Variants in ADGRG1 observed in about 807,000 individuals in gnomAD.
ADGRG1 encodes adhesion G protein-coupled receptor G1, also known as 7-transmembrane protein with no EGF-like N-terminal domains-1.
In ADGRG1, 53 loss-of-function variants were observed where a neutral mutation model predicts 73.5. The observed-to-expected ratio is 0.72, with a 90% CI of 0.58 to 0.91. ADGRG1 has a LOEUF of 0.91. Among genes scored for constraint, ADGRG1 ranks in the 40% least tolerant of loss-of-function variants. The probability of loss-of-function intolerance (pLI) is 0.00; values close to 1 mark genes in which losing one functional copy is unlikely to be tolerated. For missense variants in ADGRG1, 795 were observed against 871.8 expected (o/e 0.91, Z 1.11); for synonymous variants, 394 against 374.4 (o/e 1.05, Z -0.60).
intron 1 of ADGRG1, chr16:57,640,912 G>C (rs1419024368): frequency 4.1e-6 from 4 of 985,490 alleles, no homozygotes; most frequent in African/African-American, 3.5e-5. Flanking sequence ...CTGACCTTGC[G>C]GGCCTGGCCT....
chr16:57,653,855 C>G, intron 4 of ADGRG1, 131 bp from the exon 5 acceptor site: 2 of 1,582,692 alleles, frequency 1.3e-6, no homozygotes, highest in Non-Finnish European at 1.7e-6. Flanking sequence ...CACCCCACCC[C>G]TCTCTCTGCC....
chr16:57,663,011 G>A, intron 13 of ADGRG1: 2 of 984,508 alleles, frequency 2.0e-6, no homozygotes, highest in Middle Eastern at 5.2e-4. Context: ...AGGGGACTCA[G>A]GATTGTAAGT....
chr16:57,630,283 C>G, intron 1 of ADGRG1: 2 of 811,800 alleles, frequency 2.5e-6, no homozygotes, highest in Non-Finnish European at 3.0e-6. Context: ...GCCAAGTTGG[C>G]TCCCCAGAGC....
intron 1 of ADGRG1, chr16:57,639,723 C>T (rs1266420274): frequency 2.9e-5 from 27 of 918,626 alleles, no homozygotes; most frequent in Non-Finnish European, 3.5e-5. Context: ...CACTCCTGCT[C>T]CCTCTCCCTG....
Position 57,663,569 on chromosome 16 carries a change from C to A in ADGRG1, c.2051C>A (p.Ser684Tyr). The A allele has an allele frequency of 3.3e-5, 54 of 1,613,548 alleles. No individual in the cohort carries two copies. The highest frequency in any genetic ancestry group is 4.5e-5 in the Non-Finnish European group (53 of 1,179,988). The change falls in exon 14 of 14, where the codon TCC (serine) becomes TAC (tyrosine). Residue 684 changes from serine (S) to tyrosine (Y), a missense_variant. Ser to Tyr is a moderately radical substitution (Grantham distance 144). Coordinates refer to ENST00000562631, the MANE Select transcript of ADGRG1 (RefSeq NM_201525.4). ...RLPISSGSTSSSRI is the reference protein window; with the variant it reads ...RLPISSGSTSYSRI ...CCCATCAGCTCGGGCAGCACCTCGT[C>A]CAGCCGCATCTAGGCCTCCAGCCCA...
intron 1 of ADGRG1, chr16:57,630,527 GCT>G: frequency 1.0e-6 from 1 of 985,538 alleles, no homozygotes; most frequent in Non-Finnish European, 1.2e-6. Context: ...CTGGGGCTTG[GCT>G]CCGAGAGTGT....
intron 1 of ADGRG1, chr16:57,634,903 C>G (rs1448026785): frequency 1.0e-6 from 1 of 957,208 alleles, no homozygotes; most frequent in African/African-American, 1.8e-5. Context: ...TATCTAGAAA[C>G]CCTCTTCATA....
chr16:57,642,570 T>G, intron 1 of ADGRG1: 2 of 967,974 alleles, frequency 2.1e-6, no homozygotes, highest in Non-Finnish European at 2.5e-6. Flanking sequence ...CTTTATGGGT[T>G]TCTTTCCTGC....
intron 1 of ADGRG1, chr16:57,645,816 T>C (rs958738620): frequency 5.9e-5 from 9 of 152,040 alleles, no homozygotes; most frequent in African/African-American, 2.2e-4. Context: ...CCTGTGGCAA[T>C]GGGGGGCGTG....
At chr16:57,633,398 A>C in intron 1 of ADGRG1, 1 of 985,382 alleles carries the variant, frequency 1.0e-6, no homozygotes. Context: ...TGATACCTAA[A>C]TGCGGCTTTG....
intron 1 of ADGRG1, chr16:57,631,421 T>C: frequency 1.0e-6 from 1 of 985,184 alleles, no homozygotes; most frequent in Non-Finnish European, 1.2e-6. Context: ...GGCTTCCATG[T>C]GGCAGGGCTC....
rs1302163966 is a variant in ADGRG1 at position 57,663,609 on chromosome 16, G to A, written c.*27G>A. ...CCTCCAGCCCACCTGCCCATGTGAT[G>A]AAGCAGAGATTCGGCCTCGTCGCAC... On this transcript the variant is annotated 3_prime_UTR_variant, in exon 14 of 14. Coordinates refer to ENST00000562631, the MANE Select transcript of ADGRG1 (RefSeq NM_201525.4). 2.5e-6 allele frequency: 4 copies of A among 1,609,986 alleles called. No individual in the cohort carries two copies. Among genetic ancestry groups the A allele is most frequent in the Non-Finnish European group, 3.4e-6 (4 of 1,179,472 alleles).
At chr16:57,654,842 T>C (rs1264744410) in intron 5 of ADGRG1, among the ~76,000 whole-genome samples, 6 of 152,334 alleles carry the variant, frequency 3.9e-5, no homozygotes, top group African/African-American at 9.6e-5. Context: ...ATTGTGCCAC[T>C]ACACTCCAGC....
At chr16:57,631,265 C>A (rs1462525206) in intron 1 of ADGRG1, 125 of 986,256 alleles carry the variant, frequency 1.3e-4, no homozygotes, top group Non-Finnish European at 1.5e-4. Context: ...ATGACAAAGG[C>A]AGGTAAGAGG....
In ADGRG1 at chr16:57,660,772, C is replaced by T. The variant is rs548451753; in HGVS notation, c.1560C>T (p.Phe520=). The T allele has an allele frequency of 1.1e-5, 17 of 1,606,960 alleles. 1 individual carries two copies. The East Asian group carries it at 1.3e-4, about 13-fold the overall frequency. The change falls in exon 12 of 14, where the codon TTC becomes TTT. Residue 520 remains phenylalanine (F), a synonymous_variant. Coordinates refer to ENST00000562631, the MANE Select transcript of ADGRG1 (RefSeq NM_201525.4). The part of the protein sequence containing the change: ...LLKLSAMGWG[F]PIFLVTLVAL... ...AACATGCATTGCCACCCTCAGGCTT[C>T]CCCATCTTTCTGGTGACGCTGGTGG...
At chr16:57,634,759 T>C (rs1159423480) in intron 1 of ADGRG1, among the ~76,000 whole-genome samples, 1 of 152,226 alleles carries the variant, frequency 6.6e-6, no homozygotes, top group East Asian at 1.9e-4. Context: ...CATGGCTGCT[T>C]CCAGCCCTGA....
At chr16:57,623,955 T>C (rs1207893509), upstream of ADGRG1, 2 of 398,844 alleles carry the variant, frequency 5.0e-6, no homozygotes, top group Non-Finnish European at 6.8e-6. Flanking sequence ...GCCTCAGTTT[T>C]CATCTCTGTT....
At chr16:57,628,971 TGTGTGA>T (rs2036800982) in intron 1 of ADGRG1, 169 bp downstream of exon 1, 34 of 550,644 alleles carry the variant, frequency 6.2e-5, no homozygotes, top group South Asian at 8.1e-5. Context: ...TGAGTGTGAG[TGTGTGA>T]GAGTGAGTGA....
chr16:57,659,596 G>C lies in ADGRG1; in HGVS notation c.1470G>C (p.Glu490Asp), dbSNP rs771651846. The C allele has an allele frequency of 9.9e-6, 16 of 1,614,108 alleles. No homozygotes were observed. Among genetic ancestry groups the C allele is most frequent in the Middle Eastern group, 1.6e-4 (1 of 6,062 alleles). Residue 490 changes from glutamate to aspartate, a missense_variant, in exon 11 of 14, where the codon GAG (glutamate) becomes GAC (aspartate). Glu to Asp is a conservative substitution (Grantham distance 45, BLOSUM62 2). Coordinates refer to ENST00000562631, the MANE Select transcript of ADGRG1 (RefSeq NM_201525.4). ...CCTGCCTTTCCTGGATGGGCCTCGA[G>C]GGGTACAACCTCTACCGACTCGTGG... ...LLTCLSWMGL[E>D]GYNLYRLVVE...
Sources: allele counts gnomAD v4.1 joint callset (sites outside exome capture counted in the v4.1 genomes callset), GRCh38; gene constraint gnomAD v4.1.1; transcripts MANE v1.5; gene names NCBI Gene and HGNC (gene_info 2026-07-23, HGNC 2026-07-21).